ARPC4: variants seen among roughly 807,000 people sequenced by gnomAD.
ARPC4 encodes actin related protein 2/3 complex subunit 4.
Under a neutral mutation model 22.8 loss-of-function variants are expected in ARPC4, and 3 were observed. That is an observed-to-expected ratio of 0.13 (90% CI 0.06 to 0.34). The LOEUF (loss-of-function observed/expected upper bound fraction) is 0.34, where lower values mean the gene tolerates loss of function less well. Among genes scored for constraint, ARPC4 ranks in the 10% least tolerant of loss-of-function variants. ARPC4 has a pLI of 1.00. For missense variants in ARPC4, 98 were observed against 211.0 expected (o/e 0.46, Z 3.32); for synonymous variants, 80 against 72.5 (o/e 1.10, Z -0.52).
intron 1 of ARPC4, 42 bp downstream of exon 1, chr3:9,793,166 G>A: frequency 1.3e-6 from 2 of 1,533,356 alleles, no homozygotes; most frequent in Non-Finnish European, 1.8e-6. Context: ...CCGGCTGTTC[G>A]GCCTCAGGGC....
At chr3:9,793,879 C>T (rs2078816498) in intron 1 of ARPC4, among the ~76,000 whole-genome samples, 2 of 152,194 alleles carry the variant, frequency 1.3e-5, no homozygotes, top group African/African-American at 4.8e-5. Flanking sequence ...CGATAACTTT[C>T]TTCATTCTGA....
chr3:9,798,977 T>A (rs977170907), intron 2 of ARPC4, among the ~76,000 whole-genome samples: 1 of 152,266 alleles, frequency 6.6e-6, no homozygotes, highest in East Asian at 1.9e-4. Flanking sequence ...TAATTTTTAA[T>A]TTTAAAAATA....
chr3:9,797,631 T>C (rs1192667689), intron 1 of ARPC4, 28 bp from the exon 2 acceptor site: 3 of 1,604,546 alleles, frequency 1.9e-6, no homozygotes, highest in Middle Eastern at 1.7e-4. Context: ...ATTTTGATCT[T>C]CCCTTTCCTC....
intron 2 of ARPC4, 84 bp from the exon 3 acceptor site, chr3:9,800,101 A>G (rs2078976398): frequency 2.2e-6 from 3 of 1,372,248 alleles, no homozygotes; most frequent in Non-Finnish European, 3.0e-6. Flanking sequence ...CTATGGTCTC[A>G]TAGTGATTCC....
In ARPC4 at chr3:9,795,853, T is replaced by C. The variant is rs541023758; in HGVS notation, c.4-1806T>C. Among the ~76,000 whole-genome samples, 21 of 152,314 alleles carry C rather than the reference T, an allele frequency of 1.4e-4. No individual in the cohort carries two copies. The East Asian group carries it at 2.1e-3, about 15-fold the overall frequency. On this transcript the variant is annotated intron_variant, in intron 1 of 5. Transcript: ENST00000397261. The stretch of plus-strand genomic sequence containing the variant: ...GTTCATGTCTGTAATCCCAGCACTT[T>C]AGGAGGCCGAGATGGGCGGGTCACT...
rs755016021 is a variant in ARPC4, at chr3:9,793,094, C to T, written c.-28C>T. 132 of 1,545,540 alleles carry T rather than the reference C, an allele frequency of 8.5e-5. No individual in the cohort carries two copies. Among genetic ancestry groups the T allele is most frequent in the Non-Finnish European group, 1.1e-4 (127 of 1,145,298 alleles). ...CGCGGGGCTGGCCACTTCCGTACTT[C>T]CGCTTTCCGGCCCAGCCAGCGCCCG... On this transcript the variant is annotated 5_prime_UTR_variant, in exon 1 of 6. Transcript: ENST00000397261.
At chr3:9,803,446 C>A in intron 4 of ARPC4, 1 of 457,092 alleles carries the variant, frequency 2.2e-6, no homozygotes, top group South Asian at 1.6e-5. Context: ...ATCTTCCTCC[C>A]ACAGCCCTCC....
At chr3:9,800,632 C>T (rs1323561727) in intron 3 of ARPC4, among the ~76,000 whole-genome samples, 1 of 152,044 alleles carries the variant, frequency 6.6e-6, no homozygotes, top group African/African-American at 2.4e-5. Context: ...ACCATGTTTG[C>T]CAGGATGGTC....
chr3:9,796,037 A>G (rs1409033237), intron 1 of ARPC4, among the ~76,000 whole-genome samples: 1 of 152,162 alleles, frequency 6.6e-6, no homozygotes, highest in Non-Finnish European at 1.5e-5. Flanking sequence ...TGGAGGTTGC[A>G]GTGAGCCAAG....
rs957307214 is a variant in ARPC4 at position 9,793,106 on chromosome 3, C to A, written c.-16C>A. 13 of 1,543,906 alleles carry A rather than the reference C, an allele frequency of 8.4e-6. No individual in the cohort carries two copies. The highest frequency in any genetic ancestry group is 1.4e-5 in the African/African-American group (1 of 72,788). On this transcript the variant is annotated 5_prime_UTR_variant, in exon 1 of 6. Coordinates refer to ENST00000397261, the MANE Select transcript of ARPC4 (RefSeq NM_005718.5). ...CACTTCCGTACTTCCGCTTTCCGGC[C>A]CAGCCAGCGCCCGCGATGGTGAGAG...
In ARPC4 at chr3:9,793,137, G is replaced by T; in HGVS notation, c.3+13G>T. 6.5e-7 allele frequency: 1 copy of T among 1,542,244 alleles called. No individual in the cohort carries two copies. The highest frequency in any genetic ancestry group is 1.2e-5 in the South Asian group (1 of 83,776). On this transcript the variant is annotated intron_variant, in intron 1 of 5. Transcript: ENST00000397261. ...AGCGCCCGCGATGGTGAGAGAGCCG[G>T]GCCCCCGGCCAGGGACCCCCGGCTG... is the stretch of plus-strand genomic sequence containing the variant.
At chr3:9,797,574 G>A in intron 1 of ARPC4, 85 bp from the exon 2 acceptor site, 1 of 1,470,634 alleles carries the variant, frequency 6.8e-7, no homozygotes, top group Non-Finnish European at 9.4e-7. Context: ...AGTGCTACCT[G>A]GCTTCATGGG....
Position 9,803,683 on chromosome 3 carries a change from A to G in ARPC4, c.331-160A>G, listed in dbSNP as rs2079058013. The G allele has an allele frequency of 3.5e-6, 3 of 851,294 alleles. No homozygotes were observed. In the Admixed American group the frequency reaches 5.2e-5, roughly 15 times the overall value. 52.7% of individuals were successfully genotyped at this position (851,294 alleles called of 1,614,324 possible). A position where few individuals can be genotyped will look rare whatever the true frequency, so the allele number is the denominator to read the frequency against. On this transcript the variant is annotated intron_variant, in intron 4 of 5. Transcript: ENST00000397261. ...ATCCAACCTAGACACCCTCCCCCAGAGCAGCTGGGCTGCTGACTGGAAGGG... is the reference window on the plus strand; with the variant it reads ...ATCCAACCTAGACACCCTCCCCCAGGGCAGCTGGGCTGCTGACTGGAAGGG...
At chr3:9,794,852 A>G (rs777688980) in intron 1 of ARPC4, among the ~76,000 whole-genome samples, 9 of 152,144 alleles carry the variant, frequency 5.9e-5, no homozygotes, top group South Asian at 2.1e-4. Flanking sequence ...TTGTCATGTA[A>G]ATGGAATTCT....
chr3:9,803,873 T>G lies in ARPC4; in HGVS notation c.361T>G (p.Phe121Val), dbSNP rs754463207. The part of the protein sequence containing the change: ...GYDISFLITN[F>V]HTEQMYKHKL... ...TGATATCAGCTTTCTGATCACCAAC[T>G]TCCACACAGAGCAGATGTACAAACA... is the stretch of plus-strand genomic sequence containing the variant. The change falls in exon 5 of 6, where the codon TTC becomes GTC. Residue 121 changes from phenylalanine (F) to valine (V), a missense_variant. Phe to Val is a conservative substitution (Grantham distance 50). Coordinates refer to ENST00000397261, the MANE Select transcript of ARPC4 (RefSeq NM_005718.5). 1 of 1,614,220 alleles carries G rather than the reference T, an allele frequency of 6.2e-7. No individual in the cohort carries two copies. The highest frequency in any genetic ancestry group is 8.5e-7 in the Non-Finnish European group (1 of 1,180,024).
intron 4 of ARPC4, chr3:9,803,568 C>G (rs1173346089): frequency 1.7e-6 from 1 of 593,046 alleles, no homozygotes; most frequent in Non-Finnish European, 3.2e-6. Context: ...AGTTCCTTGA[C>G]TCATTCTGAA....
At chr3:9,803,295 G>T (rs73811571) in intron 4 of ARPC4, among the ~76,000 whole-genome samples, 3,125 of 152,292 alleles carry the variant, frequency 0.021, 104 homozygotes, top group African/African-American at 0.071. Flanking sequence ...TATCCCCAGT[G>T]ACTAAGCAAC....
chr3:9,801,608 T>G (rs902301393), intron 3 of ARPC4, 53 bp from the exon 4 acceptor site: 2 of 1,534,606 alleles, frequency 1.3e-6, no homozygotes, highest in Non-Finnish European at 1.8e-6. Context: ...TACAAGGTGT[T>G]TTTGGCCTTG....
chr3:9,806,299 G>C lies in ARPC4; in HGVS notation c.*84G>C. On this transcript the variant is annotated 3_prime_UTR_variant, in exon 6 of 6. Transcript: ENST00000397261. ...GTCCTGGAGTCACTCCCCGAGCAGC[G>C]CGGCGGCGGCAGGGAGTTGGGTTGG... The C allele has an allele frequency of 6.7e-7, 1 of 1,501,104 alleles. No homozygotes were observed. The allele number at this position is 1,501,104 out of a possible 1,614,324, so 93.0% of individuals were successfully genotyped here.
Sources: gnomAD v4.1 joint callset for allele counts (sites outside exome capture counted in the v4.1 genomes callset) on GRCh38, gnomAD v4.1.1 for gene constraint, MANE v1.5 for transcripts, NCBI Gene and HGNC (gene_info 2026-07-23, HGNC 2026-07-21) for gene names.